PPP1R3E: variants seen among roughly 807,000 people sequenced by gnomAD.
PPP1R3E encodes the protein protein phosphatase 1, regulatory (inhibitor) subunit 3E.
Under a neutral mutation model 18.5 loss-of-function variants are expected in PPP1R3E, and 20 were observed. The observed-to-expected ratio is 1.08, with a 90% CI of 0.76 to 1.58. The LOEUF is 1.58. PPP1R3E is among the 40% of genes most tolerant of loss of function. PPP1R3E has a pLI of 0.00. For synonymous variants in PPP1R3E, 208 were observed against 208.1 expected, an observed-to-expected ratio of 1.00 and a Z score of 0.00; for missense variants, 498 against 460.2, an observed-to-expected ratio of 1.08 and a Z score of -0.75.
intron 2 of PPP1R3E, 147 bp from the exon 3 acceptor site, chr14:23,301,011 C>T (rs2138410435): frequency 5.9e-6 from 1 of 168,318 alleles, no homozygotes; most frequent in Middle Eastern, 2.6e-3. Context: ...ATCATACCTC[C>T]TCCATCTCCA....
At chr14:23,300,609 C>G (rs918593307) in intron 3 of PPP1R3E, 149 bp downstream of exon 3, 4 of 152,288 alleles carry the variant, frequency 2.6e-5, no homozygotes, top group African/African-American at 4.8e-5. Flanking sequence ...TAAAAGGCAC[C>G]CCAGAAAAGT....
In PPP1R3E at chr14:23,295,706, A is replaced by T. The variant is rs1886860980; in HGVS notation, c.*3598T>A. On this transcript the variant is annotated 3_prime_UTR_variant, in exon 5 of 5. Coordinates refer to ENST00000452015, the MANE Select transcript of PPP1R3E (RefSeq NM_001276318.2). ...TTTTTAATGTAAATGTAGGTGGGGA[A>T]GTAAAGCATTAATGCAAGTCAAAAT... 4.8e-6 allele frequency: 1 copy of T among 206,688 alleles called. No individual in the cohort carries two copies. Among genetic ancestry groups the T allele is most frequent in the East Asian group, 1.1e-4 (1 of 9,220 alleles). 12.8% of individuals were successfully genotyped at this position (206,688 alleles called of 1,614,324 possible). A position where few individuals can be genotyped will look rare whatever the true frequency, so the allele number is the denominator to read the frequency against.
In PPP1R3E at chr14:23,302,003, C is replaced by G. The variant is rs538036764; in HGVS notation, c.418-145G>C. On this transcript the variant is annotated intron_variant, in intron 1 of 4. Coordinates refer to ENST00000452015, the MANE Select transcript of PPP1R3E (RefSeq NM_001276318.2). Reference sequence around the variant, plus strand: ...GAGTGCGGCCCAGCTGCCAGGGTGGCCTAGAGCCACTCGCAGATGGGGTCC... The same window carrying G: ...GAGTGCGGCCCAGCTGCCAGGGTGGGCTAGAGCCACTCGCAGATGGGGTCC... 3.4e-4 allele frequency: 423 copies of G among 1,250,702 alleles called. No individual in the cohort carries two copies. The African/African-American group carries it at 6.1e-3, about 18-fold the overall frequency. The allele number at this position is 1,250,702 out of a possible 1,614,324, so 77.5% of individuals were successfully genotyped here. A position where few individuals can be genotyped will look rare whatever the true frequency, so the allele number is the denominator to read the frequency against.
Position 23,302,350 on chromosome 14 carries a change from G to A in PPP1R3E, c.227C>T (p.Ala76Val). 8.7e-6 allele frequency: 13 copies of A among 1,498,986 alleles called. No homozygotes were observed. The highest frequency in any genetic ancestry group is 1.1e-5 in the Non-Finnish European group (13 of 1,134,178). 92.9% of individuals were successfully genotyped at this position (1,498,986 alleles called of 1,614,324 possible). The change falls in exon 1 of 5, where the codon GCG becomes GTG. Residue 76 changes from alanine (A) to valine (V), a missense_variant. Transcript: ENST00000452015. ...GGTGTCTGGGCTACGGCTGCGGGGCGCCCGGGCCCCGCCGCCTCCGGCTGG... is the reference window on the plus strand; with the variant it reads ...GGTGTCTGGGCTACGGCTGCGGGGCACCCGGGCCCCGCCGCCTCCGGCTGG... ...SAPAGGGGAR[A>V]PRSRSPDTRK...
In PPP1R3E at chr14:23,302,844, G is replaced by A. The variant is rs1426703178; in HGVS notation, c.-268C>T. ...GCCTCCTGCTAGCGGTCTGCTCTGA[G>A]CGTGCGCTCAACTGCACTCACCCTC... is the stretch of plus-strand genomic sequence containing the variant. On this transcript the variant is annotated 5_prime_UTR_variant, in exon 1 of 5. Transcript: ENST00000452015. The A allele has an allele frequency of 7.3e-6, 3 of 410,000 alleles. No individual in the cohort carries two copies. The highest frequency in any genetic ancestry group is 1.3e-5 in the Non-Finnish European group (3 of 231,652). 25.4% of individuals were successfully genotyped at this position (410,000 alleles called of 1,614,324 possible). A position where few individuals can be genotyped will look rare whatever the true frequency, so the allele number is the denominator to read the frequency against.
rs1474254808 is a variant in PPP1R3E at position 23,301,771 on chromosome 14, C to T, written c.505G>A (p.Ala169Thr). ...TQRICLERAEAGPLGVAGSAR... is the reference protein window; with the variant it reads ...TQRICLERAETGPLGVAGSAR... ...CTCCCGGCCACGCCCAGCGGGCCCG[C>T]CTCGGCGCGTTCCAGGCAGATGCGC... is the stretch of plus-strand genomic sequence containing the variant. The change falls in exon 2 of 5, where the codon GCG becomes ACG. Residue 169 changes from alanine (A) to threonine (T), a missense_variant. Coordinates refer to ENST00000452015, the MANE Select transcript of PPP1R3E (RefSeq NM_001276318.2). The T allele has an allele frequency of 6.9e-7, 1 of 1,440,002 alleles. No homozygotes were observed. Among genetic ancestry groups the T allele is most frequent in the Non-Finnish European group, 9.1e-7 (1 of 1,101,472 alleles). The allele number at this position is 1,440,002 out of a possible 1,614,324, so 89.2% of individuals were successfully genotyped here. A position where few individuals can be genotyped will look rare whatever the true frequency, so the allele number is the denominator to read the frequency against.
chr14:23,302,495 G>C lies in PPP1R3E; in HGVS notation c.82C>G (p.Arg28Gly), dbSNP rs1887074746. 11 of 1,502,886 alleles carry C rather than the reference G, an allele frequency of 7.3e-6. 1 individual carries two copies. Among genetic ancestry groups the C allele is most frequent in the South Asian group, 5.0e-5 (4 of 80,388 alleles). The allele number at this position is 1,502,886 out of a possible 1,614,324, so 93.1% of individuals were successfully genotyped here. Reference protein sequence around the residue: ...IAALTERAYYRSQRPSLEEEP... With the variant: ...IAALTERAYYGSQRPSLEEEP... Reference sequence around the variant, plus strand: ...TCCTCGAGGCTGGGCCGCTGGCTACGGTAGTAGGCGCGCTCCGTTAGCGCG... The same window carrying C: ...TCCTCGAGGCTGGGCCGCTGGCTACCGTAGTAGGCGCGCTCCGTTAGCGCG... Residue 28 changes from arginine to glycine, a missense_variant, in exon 1 of 5, where the codon CGT becomes GGT. Transcript: ENST00000452015.
chr14:23,301,364 C>T lies in PPP1R3E; in HGVS notation c.*72G>A. The T allele has an allele frequency of 2.4e-6, 3 of 1,275,518 alleles. No individual in the cohort carries two copies. Among genetic ancestry groups the T allele is most frequent in the Non-Finnish European group, 3.0e-6 (3 of 1,005,992 alleles). 79.0% of individuals were successfully genotyped at this position (1,275,518 alleles called of 1,614,324 possible). ...GCCAATCCTGGTCTCTCCTACTCCT[C>T]CCCGCCACATCGGGTCGCCCCGCCC... On this transcript the variant is annotated 3_prime_UTR_variant, in exon 2 of 5. Coordinates refer to ENST00000452015, the MANE Select transcript of PPP1R3E (RefSeq NM_001276318.2).
At position 23,300,047 on chromosome 14, in the gene PPP1R3E, T is replaced by C. The variant is rs1303086610; in HGVS notation, c.*246-506A>G. 2.7e-5 allele frequency: 4 copies of C among 148,974 alleles called. No homozygotes were observed. The East Asian group carries it at 8.5e-4, about 32-fold the overall frequency. 9.2% of individuals were successfully genotyped at this position (148,974 alleles called of 1,614,324 possible). A position where few individuals can be genotyped will look rare whatever the true frequency, so the allele number is the denominator to read the frequency against. On this transcript the variant is annotated intron_variant, in intron 3 of 4. Transcript: ENST00000452015. Reference sequence around the variant, plus strand: ...TTTATCCTCACAAAAGCCCTTAACATTGTTTCCTTTAATCTTTGGGGTTCT... The same window carrying C: ...TTTATCCTCACAAAAGCCCTTAACACTGTTTCCTTTAATCTTTGGGGTTCT...
chr14:23,296,485 G>C lies in PPP1R3E; in HGVS notation c.*2819C>G, dbSNP rs925642031. On this transcript the variant is annotated 3_prime_UTR_variant, in exon 5 of 5. Coordinates refer to ENST00000452015, the MANE Select transcript of PPP1R3E (RefSeq NM_001276318.2). Reference sequence around the variant, plus strand: ...CTGTCTCAGCTTCCTGAGTAGCTGGGAATACAGATGTGTGCCACCATGCCC... The same window carrying C: ...CTGTCTCAGCTTCCTGAGTAGCTGGCAATACAGATGTGTGCCACCATGCCC... 2.0e-5 allele frequency: 3 copies of C among 152,188 alleles called. No individual in the cohort carries two copies. The highest frequency in any genetic ancestry group is 2.0e-4 in the Admixed American group (3 of 15,266). 9.4% of individuals were successfully genotyped at this position (152,188 alleles called of 1,614,324 possible).
chr14:23,302,015 C>T lies in PPP1R3E; in HGVS notation c.417+145G>A, dbSNP rs1172208581. On this transcript the variant is annotated intron_variant, in intron 1 of 4. Coordinates refer to ENST00000452015, the MANE Select transcript of PPP1R3E (RefSeq NM_001276318.2). ...GCTGCCAGGGTGGCCTAGAGCCACT[C>T]GCAGATGGGGTCCCCAAAAGGGATG... is the stretch of plus-strand genomic sequence containing the variant. The T allele has an allele frequency of 1.6e-5, 20 of 1,243,884 alleles. No individual in the cohort carries two copies. The South Asian group carries it at 2.9e-4, about 18-fold the overall frequency. 77.1% of individuals were successfully genotyped at this position (1,243,884 alleles called of 1,614,324 possible). A position where few individuals can be genotyped will look rare whatever the true frequency, so the allele number is the denominator to read the frequency against.
At chr14:23,301,888 GC>G in intron 1 of PPP1R3E, 30 bp from the exon 2 acceptor site, 1 of 1,413,590 alleles carries the variant, frequency 7.1e-7, no homozygotes, top group Admixed American at 3.2e-5. Flanking sequence ...GGAGGAGGGA[GC>G]CCAGGGCGGA....
At position 23,302,416 on chromosome 14, in the gene PPP1R3E, CG is replaced by C; in HGVS notation, c.160del (p.Arg54AlafsTer105). On this transcript the variant is annotated frameshift_variant, in exon 1 of 5. Transcript: ENST00000452015. LOFTEE classifies it high-confidence loss of function. ...EGGTRFGARS[R>X]AHAPSRGRRA... ...GCGGCCCCGACTCGGTGCGTGAGCG[CG>C]GGATCGGGCCCCGAACCGCGTCCCG... 1 of 1,493,606 alleles carries C rather than the reference CG, an allele frequency of 6.7e-7. No individual in the cohort carries two copies. The highest frequency in any genetic ancestry group is 8.8e-7 in the Non-Finnish European group (1 of 1,131,788). 92.5% of individuals were successfully genotyped at this position (1,493,606 alleles called of 1,614,324 possible). A position where few individuals can be genotyped will look rare whatever the true frequency, so the allele number is the denominator to read the frequency against.
rs1168005073 is a variant in PPP1R3E, at chr14:23,299,420, T to C, written c.*367A>G. ...GGTTACCTGGGAGATCCTTGTTCAT[T>C]TGTAACATCAGGAACTGCTTCTTTT... is the stretch of plus-strand genomic sequence containing the variant. On this transcript the variant is annotated 3_prime_UTR_variant, in exon 4 of 5. Transcript: ENST00000452015. The C allele has an allele frequency of 6.5e-6, 1 of 154,308 alleles. No homozygotes were observed. The highest frequency in any genetic ancestry group is 2.0e-4 in the South Asian group (1 of 4,918). 9.6% of individuals were successfully genotyped at this position (154,308 alleles called of 1,614,324 possible). A position where few individuals can be genotyped will look rare whatever the true frequency, so the allele number is the denominator to read the frequency against.
Position 23,298,700 on chromosome 14 carries a change from A to G in PPP1R3E, c.*604T>C, listed in dbSNP as rs1886943187. 1 of 154,320 alleles carries G rather than the reference A, an allele frequency of 6.5e-6. No homozygotes were observed. The highest frequency in any genetic ancestry group is 2.4e-5 in the African/African-American group (1 of 41,488). 9.6% of individuals were successfully genotyped at this position (154,320 alleles called of 1,614,324 possible). A position where few individuals can be genotyped will look rare whatever the true frequency, so the allele number is the denominator to read the frequency against. On this transcript the variant is annotated 3_prime_UTR_variant, in exon 5 of 5. Transcript: ENST00000452015. ...CACCCAGTCTCCCTATTATCCTCCC[A>G]TGGGCTCCTAATTGATGACTAAACA...
chr14:23,301,992 T>G (rs1887058354), intron 1 of PPP1R3E, 134 bp from the exon 2 acceptor site: 1 of 1,254,480 alleles, frequency 8.0e-7, no homozygotes, highest in Non-Finnish European at 1.0e-6. Flanking sequence ...GCGGCCCAGC[T>G]GCCAGGGTGG....
chr14:23,300,013 C>G (rs1886990000), intron 3 of PPP1R3E: 1 of 136,130 alleles, frequency 7.3e-6, no homozygotes, highest in Non-Finnish European at 1.6e-5. Context: ...TTCCATATAC[C>G]CATTATCTTT....
rs200834543 is a variant in PPP1R3E, at chr14:23,298,115, A to AG, written c.*1188dup. ...AGGCTAGAGTGTAAGTGGGAAGGTG[A>AG]GGGGGGTCCTGTGCTGATCCTGCAT... On this transcript the variant is annotated 3_prime_UTR_variant, in exon 5 of 5. Transcript: ENST00000452015. 1,469 of 152,310 alleles carry AG rather than the reference A, an allele frequency of 9.6e-3. 25 individuals are homozygous for AG. Among genetic ancestry groups the AG allele is most frequent in the African/African-American group, 0.029 (1,207 of 41,508 alleles). 9.4% of individuals were successfully genotyped at this position (152,310 alleles called of 1,614,324 possible). A position where few individuals can be genotyped will look rare whatever the true frequency, so the allele number is the denominator to read the frequency against.
At position 23,301,769 on chromosome 14, in the gene PPP1R3E, C is replaced by A. The variant is rs778548239; in HGVS notation, c.507G>T (p.Ala169=). The A allele has an allele frequency of 3.1e-5, 44 of 1,431,318 alleles. 2 individuals are homozygous for A. The South Asian group carries it at 4.5e-4, about 15-fold the overall frequency. The allele number at this position is 1,431,318 out of a possible 1,614,324, so 88.7% of individuals were successfully genotyped here. A position where few individuals can be genotyped will look rare whatever the true frequency, so the allele number is the denominator to read the frequency against. Residue 169 remains alanine, a synonymous_variant, in exon 2 of 5, where the codon GCG becomes GCT. Transcript: ENST00000452015. ...TQRICLERAE[A]GPLGVAGSAR... ...CGCTCCCGGCCACGCCCAGCGGGCC[C>A]GCCTCGGCGCGTTCCAGGCAGATGC...
Sources: allele counts gnomAD v4.1 joint callset, GRCh38; gene constraint gnomAD v4.1.1; transcripts MANE v1.5; gene names NCBI Gene and HGNC (gene_info 2026-07-23, HGNC 2026-07-21).